The following CLEC16A variants were observed in gnomAD, a reference collection of about 807,000 sequenced individuals.
The protein encoded by CLEC16A is C-type lectin domain containing 16A.
A neutral mutation model predicts 109.5 loss-of-function variants in CLEC16A; 51 were observed. The ratio of observed to expected loss-of-function variants is 0.47; its 90% confidence interval spans 0.37 to 0.59. The LOEUF (loss-of-function observed/expected upper bound fraction) is 0.59. Ranked by LOEUF, CLEC16A falls within the 20% of genes least tolerant of loss-of-function variation. The pLI, the probability that CLEC16A is intolerant of heterozygous loss-of-function variation, is 0.00. For missense variants in CLEC16A, 1,339 were observed against 1,394.0 expected, an observed-to-expected ratio of 0.96 and a Z score of 0.63; for synonymous variants, 673 against 564.2, an observed-to-expected ratio of 1.19 and a Z score of -2.73.
At chr16:11,132,712 A>C (rs1260371929) in intron 22 of CLEC16A, among the ~76,000 whole-genome samples, 2 of 152,152 alleles carry the variant, frequency 1.3e-5, no homozygotes, top group African/African-American at 4.8e-5. Flanking sequence ...ACTATCCTGC[A>C]CTAGAATGGA....
At position 11,174,788 on chromosome 16, in the gene CLEC16A, C is replaced by T. The variant is rs1016894408; in HGVS notation, c.2807-3547C>T. On this transcript the variant is annotated intron_variant, in intron 23 of 23. Coordinates refer to ENST00000409790, the MANE Select transcript of CLEC16A (RefSeq NM_015226.3). This position sits in a 1 kb window ranked among gnomAD's most constrained non-coding sequence, Gnocchi z 4.7. ...GTGGCAAATTCAGTCCTGTTTTGAC[C>T]GGAAGCCAAGAGCCATTTCCCTCAT... Among the ~76,000 whole-genome samples, 4 of 152,170 alleles carry T rather than the reference C, an allele frequency of 2.6e-5. No homozygotes were observed. The highest frequency in any genetic ancestry group is 1.9e-4 in the East Asian group (1 of 5,200).
intron 11 of CLEC16A, among the ~76,000 whole-genome samples, chr16:11,005,577 A>G (rs2044950110): frequency 6.6e-6 from 1 of 152,212 alleles, no homozygotes. Context: ...CACCATAAAT[A>G]CATACAACTT....
At chr16:11,124,029 A>T in intron 21 of CLEC16A, 83 bp downstream of exon 21, 1 of 1,241,532 alleles carries the variant, frequency 8.1e-7, no homozygotes, top group Non-Finnish European at 1.1e-6. Flanking sequence ...GACCTTGAGA[A>T]CCCCCATAGC....
intron 22 of CLEC16A, among the ~76,000 whole-genome samples, chr16:11,154,013 A>G (rs2054402908): frequency 6.6e-6 from 1 of 152,224 alleles, no homozygotes; most frequent in African/African-American, 2.4e-5. Context: ...ATTTTGTTGA[A>G]GCTACCGATT....
chr16:10,971,288 A>T, intron 5 of CLEC16A, 58 bp downstream of exon 5: 1 of 1,250,976 alleles, frequency 8.0e-7, no homozygotes, highest in Non-Finnish European at 1.2e-6. Flanking sequence ...GCAAGCACTC[A>T]CTCCCGTGTG....
intron 19 of CLEC16A, among the ~76,000 whole-genome samples, chr16:11,077,860 G>A (rs1275274275): frequency 6.6e-6 from 1 of 151,050 alleles, no homozygotes; most frequent in Non-Finnish European, 1.5e-5. Flanking sequence ...GGCTCATGCC[G>A]GTAATCCCAG....
chr16:11,132,513 C>CGAACAT (rs1567369170), intron 22 of CLEC16A, among the ~76,000 whole-genome samples: 1 of 152,060 alleles, frequency 6.6e-6, no homozygotes, highest in East Asian at 1.9e-4. Context: ...TGGGTTGCTG[C>CGAACAT]GAACATTCGT....
chr16:10,952,604 CT>C (rs1455835647), intron 1 of CLEC16A, among the ~76,000 whole-genome samples: 1 of 152,208 alleles, frequency 6.6e-6, no homozygotes, highest in East Asian at 1.9e-4. Context: ...AACATTAAAT[CT>C]TAATCCATTC....
intron 22 of CLEC16A, among the ~76,000 whole-genome samples, chr16:11,162,804 T>C (rs142335899): frequency 6.6e-6 from 1 of 152,332 alleles, no homozygotes; most frequent in Non-Finnish European, 1.5e-5. Flanking sequence ...TGTTCTCTGT[T>C]CTGCACACCA....
intron 1 of CLEC16A, among the ~76,000 whole-genome samples, chr16:10,951,429 A>C (rs1429570501): frequency 1.3e-5 from 2 of 152,150 alleles, no homozygotes; most frequent in African/African-American, 2.4e-5. Context: ...TCATAACCTC[A>C]TGTAAATTCT....
intron 3 of CLEC16A, among the ~76,000 whole-genome samples, chr16:10,963,974 C>T (rs1220400603): frequency 6.6e-6 from 1 of 152,238 alleles, no homozygotes; most frequent in Non-Finnish European, 1.5e-5. Flanking sequence ...CCACGCTAGA[C>T]TGCTAGCTTT....
At chr16:11,104,544 T>G (rs1485228941) in intron 19 of CLEC16A, among the ~76,000 whole-genome samples, 2 of 152,204 alleles carry the variant, frequency 1.3e-5, no homozygotes, top group East Asian at 3.8e-4. Flanking sequence ...TTGTGTACTT[T>G]TCTGATGAGG....
At chr16:11,126,873 A>G (rs1402141249) in intron 22 of CLEC16A, 1 of 152,252 alleles carries the variant, frequency 6.6e-6, no homozygotes, top group Non-Finnish European at 1.5e-5. Context: ...CTCCCCATAT[A>G]GGGCTTCAAA....
chr16:11,065,050 G>T (rs146411021), intron 19 of CLEC16A, among the ~76,000 whole-genome samples: 16 of 152,332 alleles, frequency 1.1e-4, no homozygotes, highest in Admixed American at 4.6e-4. Context: ...TGTTTTGAGG[G>T]GTAAGAAAGA....
intron 19 of CLEC16A, among the ~76,000 whole-genome samples, chr16:11,109,655 G>A (rs1012214724): frequency 6.6e-6 from 1 of 152,188 alleles, no homozygotes. Flanking sequence ...GGTGTGTGGA[G>A]GGGCCAAGAC....
chr16:11,106,704 T>C (rs948819097), intron 19 of CLEC16A, among the ~76,000 whole-genome samples: 4 of 152,132 alleles, frequency 2.6e-5, no homozygotes, highest in South Asian at 2.1e-4. Flanking sequence ...AGTGAATCTT[T>C]TTAAAAATTT....
At chr16:11,064,816 C>A (rs2048676833) in intron 19 of CLEC16A, among the ~76,000 whole-genome samples, 1 of 152,292 alleles carries the variant, frequency 6.6e-6, no homozygotes, top group South Asian at 2.1e-4. Context: ...TTCTAAAAGA[C>A]TTTCCAAGGA....
intron 19 of CLEC16A, among the ~76,000 whole-genome samples, chr16:11,096,096 A>T (rs1258442113): frequency 6.6e-6 from 1 of 152,074 alleles, no homozygotes; most frequent in Non-Finnish European, 1.5e-5. Flanking sequence ...TTACTTTGGG[A>T]GGCTGAGGCG....
Position 11,123,722 on chromosome 16 carries a change from C to A in CLEC16A, c.2269-20C>A. On this transcript the variant is annotated intron_variant, in intron 20 of 23. Transcript: ENST00000409790. Reference sequence around the variant, plus strand: ...TCCCAAACCCAACGAATGCCTTTTCCTTTGCTTCTCACTGTGCAGGACATG... The same window carrying A: ...TCCCAAACCCAACGAATGCCTTTTCATTTGCTTCTCACTGTGCAGGACATG... The A allele has an allele frequency of 6.2e-7, 1 of 1,613,442 alleles. No homozygotes were observed. The highest frequency in any genetic ancestry group is 8.5e-7 in the Non-Finnish European group (1 of 1,179,392).
Sources: allele counts gnomAD v4.1 joint callset (sites outside exome capture counted in the v4.1 genomes callset), GRCh38; gene constraint gnomAD v4.1.1; non-coding constraint Gnocchi (gnomAD v3.1); transcripts MANE v1.5; gene names NCBI Gene and HGNC (gene_info 2026-07-23, HGNC 2026-07-21).